INPP5B: variants seen among roughly 807,000 people sequenced by gnomAD.
The protein encoded by INPP5B is type II inositol 1,4,5-trisphosphate 5-phosphatase.
A neutral mutation model predicts 118.5 loss-of-function variants in INPP5B; 90 were observed. The ratio of observed to expected loss-of-function variants is 0.76; its 90% CI spans 0.64 to 0.90. The LOEUF (loss-of-function observed/expected upper bound fraction) is 0.90, where lower values mean the gene tolerates loss of function less well. Ranked by LOEUF, INPP5B falls within the 40% of genes least tolerant of loss-of-function variation. The pLI, the probability that INPP5B is intolerant of heterozygous loss-of-function variation, is 0.00. For missense variants in INPP5B, 984 were observed against 1,125.6 expected, an observed-to-expected ratio of 0.87 and a Z score of 1.80; for synonymous variants, 385 against 418.9, an observed-to-expected ratio of 0.92 and a Z score of 0.99.
Position 37,872,960 on chromosome 1 carries a change from C to A in INPP5B, c.2157G>T (p.Leu719Phe), listed in dbSNP as rs770713913. 6.2e-7 allele frequency: 1 copy of A among 1,614,064 alleles called. No homozygotes were observed. Among genetic ancestry groups the A allele is most frequent in the South Asian group, 1.1e-5 (1 of 91,068 alleles). ...HTLCYMREPILDLPLETISEL... is the reference protein window; with the variant it reads ...HTLCYMREPIFDLPLETISEL... ...CACTAATGGTTTCAAGTGGTAGGTCCAAGATTGGCTCTCTCATGTAACACA... is the reference window on the plus strand; with the variant it reads ...CACTAATGGTTTCAAGTGGTAGGTCAAAGATTGGCTCTCTCATGTAACACA... The change falls in exon 19 of 24, where the codon TTG becomes TTT. Residue 719 changes from leucine to phenylalanine, a missense_variant. By Grantham distance (22) the Leu-to-Phe change is conservative. Transcript: ENST00000373024.
intron 19 of INPP5B, among the ~76,000 whole-genome samples, chr1:37,871,336 T>G (rs1642418119): frequency 6.7e-6 from 1 of 150,108 alleles, no homozygotes; most frequent in Non-Finnish European, 1.5e-5. Flanking sequence ...CGGGCACCTG[T>G]AATGCCAGCT....
chr1:37,900,425 T>G (rs1644288169), intron 7 of INPP5B, among the ~76,000 whole-genome samples: 1 of 151,216 alleles, frequency 6.6e-6, no homozygotes, highest in East Asian at 2.0e-4. Flanking sequence ...CAGCTAATTT[T>G]TGTATTTTTA....
chr1:37,906,792 G>A (rs183179597), intron 7 of INPP5B, among the ~76,000 whole-genome samples: 2 of 151,526 alleles, frequency 1.3e-5, no homozygotes, highest in East Asian at 3.9e-4. Context: ...CCCAGCAGGT[G>A]GAGGTTGCAA....
chr1:37,936,389 G>T (rs1645692935), intron 6 of INPP5B, among the ~76,000 whole-genome samples: 1 of 152,146 alleles, frequency 6.6e-6, no homozygotes. Flanking sequence ...GGGAGGCCGA[G>T]GCGGGCGGAT....
At chr1:37,920,064 T>C (rs1645001865) in intron 7 of INPP5B, among the ~76,000 whole-genome samples, 1 of 152,242 alleles carries the variant, frequency 6.6e-6, no homozygotes, top group Admixed American at 6.5e-5. Context: ...GGTGCTGTTA[T>C]TATGTCCACG....
rs3816737 is a variant in INPP5B, at chr1:37,918,438, T to C, written c.532+13475A>G. On this transcript the variant is annotated intron_variant, in intron 7 of 23. Transcript: ENST00000373024. The stretch of plus-strand genomic sequence containing the variant: ...CCGCACTCCTGCCTTCATATGAAGT[T>C]ACTCCTACTTTTTGGCCACCTCTCC... 6.6e-5 allele frequency among the ~76,000 whole-genome samples: 10 copies of C among 152,320 alleles called. No homozygotes were observed. The East Asian group carries it at 1.9e-3, about 29-fold the overall frequency.
At chr1:37,888,169 T>C (rs1486717812) in intron 10 of INPP5B, 74 bp downstream of exon 10, 2 of 870,104 alleles carry the variant, frequency 2.3e-6, no homozygotes, top group Non-Finnish European at 3.3e-6. Context: ...CCTTCACCTG[T>C]TGTGAAGACC....
At chr1:37,902,017 TACTCTGTTG>T (rs1266054118) in intron 7 of INPP5B, among the ~76,000 whole-genome samples, 61 of 152,148 alleles carry the variant, frequency 4.0e-4, no homozygotes, top group Admixed American at 1.1e-3. Flanking sequence ...GGCAGAGTCT[TACTCTGTTG>T]CCCAGGTTGG....
chr1:37,876,860 A>G (rs1266432526), intron 16 of INPP5B, among the ~76,000 whole-genome samples: 1 of 151,816 alleles, frequency 6.6e-6, no homozygotes, highest in Non-Finnish European at 1.5e-5. Flanking sequence ...AGCCTGGGTG[A>G]CAGAGCAAGA....
intron 7 of INPP5B, among the ~76,000 whole-genome samples, chr1:37,897,454 A>G (rs1644163375): frequency 6.6e-6 from 1 of 151,804 alleles, no homozygotes; most frequent in Non-Finnish European, 1.5e-5. Flanking sequence ...GTGCTCTCTG[A>G]AACATGCGCT....
At position 37,889,644 on chromosome 1, in the gene INPP5B, G is replaced by A. The variant is rs1643727471; in HGVS notation, c.710C>T (p.Ser237Phe). 1 of 1,613,552 alleles carries A rather than the reference G, an allele frequency of 6.2e-7. No homozygotes were observed. Among genetic ancestry groups the A allele is most frequent in the Admixed American group, 1.7e-5 (1 of 59,992 alleles). ...ITVSDKAHIL[S>F]MQKFGLRDTI... Reference sequence around the variant, plus strand: ...ATCTCGCAGTCCAAACTTCTGCATGGATAAAATATGAGCCTTGTCCGACAC... The same window carrying A: ...ATCTCGCAGTCCAAACTTCTGCATGAATAAAATATGAGCCTTGTCCGACAC... Residue 237 changes from serine (S) to phenylalanine (F), a missense_variant, in exon 9 of 24, where the codon TCC becomes TTC. By Grantham distance (155) the Ser-to-Phe change is radical. Around this residue, in one of 2 missense-constraint regions of INPP5B, gnomAD observed 350 missense variants for 334.6 expected, o/e 1.05. Transcript: ENST00000373024.
intron 6 of INPP5B, 76 bp downstream of exon 6, chr1:37,940,612 G>A: frequency 1.2e-6 from 1 of 830,904 alleles, no homozygotes; most frequent in Non-Finnish European, 2.1e-6. Context: ...AGTCCAAAGG[G>A]TGGAGAGTCA....
intron 7 of INPP5B, among the ~76,000 whole-genome samples, chr1:37,900,496 G>T (rs1283823397): frequency 1.3e-5 from 2 of 151,312 alleles, no homozygotes; most frequent in Non-Finnish European, 3.0e-5. Context: ...TTCATGATCC[G>T]CCCGCCTCAG....
rs149430657 is a variant in INPP5B at position 37,903,340 on chromosome 1, A to C, written c.533-11886T>G. On this transcript the variant is annotated intron_variant, in intron 7 of 23. Coordinates refer to ENST00000373024, the MANE Select transcript of INPP5B (RefSeq NM_005540.3). ...CTCACCAGCGCCATGACAGTTTACA[A>C]ATGCCATGGCAATGTCAGGAACTTA... Among the ~76,000 whole-genome samples the C allele has an allele frequency of 4.6e-3, 695 of 152,334 alleles. 5 individuals carry two copies. Among genetic ancestry groups the C allele is most frequent in the African/African-American group, 0.016 (664 of 41,574 alleles).
At chr1:37,884,726 C>T (rs967665915) in intron 13 of INPP5B, among the ~76,000 whole-genome samples, 1 of 151,824 alleles carries the variant, frequency 6.6e-6, no homozygotes, top group African/African-American at 2.4e-5. Flanking sequence ...CCGAGGTGGG[C>T]GGATCACGAG....
rs1040742204 is a variant in INPP5B at position 37,945,842 on chromosome 1, T to C, written c.66A>G (p.Gln22=). ...GGCTGTCCCCCTCACACAGCACACC[T>C]TGCACCGCCTGCGGCTCAGAGTCAA... ...AEGEYCVIAV[Q]GVLCEGDSRQ... The change falls in exon 3 of 24, where the codon CAA becomes CAG. Residue 22 remains glutamine, a synonymous_variant. Coordinates refer to ENST00000373024, the MANE Select transcript of INPP5B (RefSeq NM_005540.3). 3 of 1,613,662 alleles carry C rather than the reference T, an allele frequency of 1.9e-6. No individual in the cohort carries two copies. Among genetic ancestry groups the C allele is most frequent in the African/African-American group, 2.7e-5 (2 of 74,914 alleles).
Position 37,941,959 on chromosome 1 carries a change from AT to A in INPP5B, c.281-1162del, listed in dbSNP as rs1479761714. The A allele has an allele frequency of 3.6e-4, 20 of 55,836 alleles. 3 individuals are homozygous for A. The highest frequency in any genetic ancestry group is 5.7e-4 in the Non-Finnish European group (16 of 28,166). 3.5% of individuals were successfully genotyped at this position (55,836 alleles called of 1,614,324 possible). The stretch of plus-strand genomic sequence containing the variant: ...TCTCAAAAAAAAAAAAAAAAAAAAA[AT>A]ATATATATATATATAAAATAAAATA... On this transcript the variant is annotated intron_variant, in intron 5 of 23. Transcript: ENST00000373024.
chr1:37,871,536 G>A (rs1642438695), intron 19 of INPP5B, among the ~76,000 whole-genome samples: 1 of 152,124 alleles, frequency 6.6e-6, no homozygotes, highest in Non-Finnish European at 1.5e-5. Context: ...GGAAAGCTGA[G>A]GCGGGCAGAT....
At chr1:37,940,092 G>GGT (rs1232829529) in intron 6 of INPP5B, among the ~76,000 whole-genome samples, 1 of 152,024 alleles carries the variant, frequency 6.6e-6, no homozygotes, top group African/African-American at 2.4e-5. Flanking sequence ...AGCTAAAAGT[G>GGT]GTGGGTAAAC....
Sources: allele counts gnomAD v4.1 joint callset (sites outside exome capture counted in the v4.1 genomes callset), GRCh38; gene constraint gnomAD v4.1.1; regional missense constraint gnomAD v4.1.1; transcripts MANE v1.5; gene names NCBI Gene and HGNC (gene_info 2026-07-23, HGNC 2026-07-21).